The following CSMD3 variants were observed in gnomAD, a reference collection of about 807,000 sequenced individuals.
The protein encoded by CSMD3 is CUB and Sushi multiple domains 3.
A neutral mutation model predicts 435.2 loss-of-function variants in CSMD3; 177 were observed. The observed-to-expected ratio is 0.41, with a 90% CI of 0.36 to 0.46. The LOEUF (loss-of-function observed/expected upper bound fraction) is 0.46. Among genes scored for constraint, CSMD3 ranks in the 20% least tolerant of loss-of-function variants. The pLI, the probability that CSMD3 is intolerant of heterozygous loss-of-function variation, is 0.34. For synonymous variants in CSMD3, 1,656 were observed against 1,520.5 expected (o/e 1.09, Z -2.07); for missense variants, 4,265 against 4,504.6 (o/e 0.95, Z 1.52).
rs770806475 is a variant in CSMD3 at position 112,228,786 on chromosome 8, G to A, written c.10934C>T (p.Ala3645Val). ...ILVPFFALIF[A>V]GFGFYLYKQR... is the part of the protein sequence containing the mutation. ...TTTATAAAGATAAAATCCAAATCCT[G>A]CAAATATAAGTGCAAAAAAAGGCAC... The change falls in exon 70 of 71, where the codon GCA (alanine) becomes GTA (valine). Residue 3645 changes from alanine (A) to valine (V), a missense_variant. Physicochemically the swap from Ala to Val is moderately conservative, Grantham distance 64 (BLOSUM62 0). Coordinates refer to ENST00000297405, the MANE Select transcript of CSMD3 (RefSeq NM_198123.2). 6.3e-7 allele frequency: 1 copy of A among 1,588,388 alleles called. No individual in the cohort carries two copies. Among genetic ancestry groups the A allele is most frequent in the Admixed American group, 1.7e-5 (1 of 59,966 alleles).
chr8:113,213,791 A>G (rs192282367), intron 3 of CSMD3, among the ~76,000 whole-genome samples: 96 of 152,212 alleles, frequency 6.3e-4, no homozygotes, highest in African/African-American at 2.3e-3. Context: ...TAGTTTCCCT[A>G]TTTTATTAAT....
intron 4 of CSMD3, among the ~76,000 whole-genome samples, chr8:113,143,932 ATTGGT>A (rs1161438999): frequency 4.6e-5 from 7 of 151,412 alleles, no homozygotes; most frequent in Admixed American, 4.0e-4. Flanking sequence ...AGACATTATC[ATTGGT>A]AGAAACTGGG....
rs777414629 is a variant in CSMD3 at position 113,299,907 on chromosome 8, C to T, written c.401+14664G>A. Among the ~76,000 whole-genome samples, 6 of 151,692 alleles carry T rather than the reference C, an allele frequency of 4.0e-5. No individual in the cohort carries two copies. In the South Asian group the frequency reaches 1.0e-3, roughly 26 times the overall value. ...ATTCGGGAGGCTGAGGCAGGAGAAT[C>T]GCTTGAACCCAGAGGCAGAGGTTGC... On this transcript the variant is annotated intron_variant, in intron 2 of 70. Transcript: ENST00000297405.
chr8:112,262,974 A>G lies in CSMD3; in HGVS notation c.9862+665T>C, dbSNP rs558197257. ...CCATGCTGGGAAAGGAAAAAGAACT[A>G]GGAACAGGATAATGCTAGACAACTC... On this transcript the variant is annotated intron_variant, in intron 61 of 70. Transcript: ENST00000297405. Among the ~76,000 whole-genome samples, 3 of 152,270 alleles carry G rather than the reference A, an allele frequency of 2.0e-5. No individual in the cohort carries two copies. The East Asian group carries it at 5.8e-4, about 29-fold the overall frequency.
chr8:113,111,588 G>A (rs535839767), intron 4 of CSMD3, among the ~76,000 whole-genome samples: 37 of 152,060 alleles, frequency 2.4e-4, no homozygotes, highest in South Asian at 8.3e-4. Flanking sequence ...CAAGTTTATC[G>A]CATGTGTCGA....
At chr8:112,283,246 GT>G (rs1292048714) in intron 58 of CSMD3, among the ~76,000 whole-genome samples, 1 of 151,784 alleles carries the variant, frequency 6.6e-6, no homozygotes, top group Non-Finnish European at 1.5e-5. Context: ...CATAATACAT[GT>G]TTGTAAATTG....
At chr8:112,572,179 T>C (rs1035048604) in intron 24 of CSMD3, among the ~76,000 whole-genome samples, 1 of 152,106 alleles carries the variant, frequency 6.6e-6, no homozygotes, top group Non-Finnish European at 1.5e-5. Flanking sequence ...TTTTAGTCCA[T>C]CACATAACAA....
At chr8:112,381,180 C>T (rs1342327866) in intron 37 of CSMD3, among the ~76,000 whole-genome samples, 1 of 143,502 alleles carries the variant, frequency 7.0e-6, no homozygotes, top group African/African-American at 2.4e-5. Context: ...TTATTCTATA[C>T]CAGGTCAAGT....
chr8:112,690,305 T>C (rs1444561610), intron 13 of CSMD3, among the ~76,000 whole-genome samples: 2 of 152,088 alleles, frequency 1.3e-5, no homozygotes, highest in Middle Eastern at 3.4e-3. Flanking sequence ...CCAGAGGCCA[T>C]GTACTTAACA....
chr8:112,424,570 G>A (rs1812854807), intron 32 of CSMD3, among the ~76,000 whole-genome samples: 1 of 152,104 alleles, frequency 6.6e-6, no homozygotes. Context: ...AATAAGATAG[G>A]TAATTCCCTA....
chr8:113,075,571 T>C (rs546890066), intron 5 of CSMD3, among the ~76,000 whole-genome samples: 2 of 151,992 alleles, frequency 1.3e-5, no homozygotes, highest in East Asian at 3.9e-4. Context: ...GCAGTCAGAA[T>C]TGTCAGGCTT....
Position 112,587,062 on chromosome 8 carries a change from C to T in CSMD3, c.3885+4G>A. The T allele has an allele frequency of 6.2e-7, 1 of 1,606,806 alleles. No homozygotes were observed. On this transcript the variant is annotated splice_donor_region_variant and intron_variant, in intron 23 of 70. Coordinates refer to ENST00000297405, the MANE Select transcript of CSMD3 (RefSeq NM_198123.2). ...AATATACAAGTATGTCTGAGTTCACCTACCTTAAGAACATCTCCTTGTGCT... is the reference window on the plus strand; with the variant it reads ...AATATACAAGTATGTCTGAGTTCACTTACCTTAAGAACATCTCCTTGTGCT...
At chr8:112,518,271 C>A (rs914892931) in intron 27 of CSMD3, among the ~76,000 whole-genome samples, 8 of 151,648 alleles carry the variant, frequency 5.3e-5, no homozygotes, top group Non-Finnish European at 8.8e-5. Flanking sequence ...GACATCAAGG[C>A]AAGAGGATTT....
At chr8:112,739,971 T>C (rs2077267350) in intron 13 of CSMD3, among the ~76,000 whole-genome samples, 2 of 151,898 alleles carry the variant, frequency 1.3e-5, no homozygotes, top group South Asian at 2.1e-4. Flanking sequence ...AGGAGCATAA[T>C]TAGAGGAAAT....
intron 1 of CSMD3, among the ~76,000 whole-genome samples, chr8:113,399,124 C>CTA (rs2094497994): frequency 2.1e-5 from 3 of 140,438 alleles, no homozygotes; most frequent in African/African-American, 5.3e-5. Flanking sequence ...CACACACACA[C>CTA]TATATATGTG....
chr8:112,426,988 C>T (rs1813130724), intron 32 of CSMD3, among the ~76,000 whole-genome samples: 2 of 151,976 alleles, frequency 1.3e-5, no homozygotes, highest in South Asian at 2.1e-4. Context: ...TTGTTTTTAC[C>T]CACAAGTAGT....
chr8:112,339,135 A>G (rs1824851247), intron 42 of CSMD3, among the ~76,000 whole-genome samples: 1 of 152,104 alleles, frequency 6.6e-6, no homozygotes, highest in Non-Finnish European at 1.5e-5. Context: ...TTTTTGGCCC[A>G]GCAGATGAGA....
intron 5 of CSMD3, among the ~76,000 whole-genome samples, chr8:113,025,073 G>A (rs1261457135): frequency 1.3e-5 from 2 of 151,702 alleles, no homozygotes; most frequent in Non-Finnish European, 2.9e-5. Context: ...TTTTTTTAAG[G>A]CTGAAATGTC....
intron 10 of CSMD3, among the ~76,000 whole-genome samples, chr8:112,865,851 A>C (rs756734784): frequency 6.6e-6 from 1 of 152,134 alleles, no homozygotes; most frequent in Admixed American, 6.6e-5. Flanking sequence ...AAGACACTCA[A>C]TGAATGAATG....
Sources: allele counts gnomAD v4.1 joint callset (sites outside exome capture counted in the v4.1 genomes callset), GRCh38; gene constraint gnomAD v4.1.1; transcripts MANE v1.5; gene names NCBI Gene and HGNC (gene_info 2026-07-23, HGNC 2026-07-21).